The following CCSER2 variants were observed in gnomAD, a reference collection of about 807,000 sequenced individuals.
CCSER2 encodes the protein serine-rich coiled-coil domain-containing protein 2.
In CCSER2, 46 loss-of-function variants were observed where a neutral mutation model predicts 92.3. That is an observed-to-expected ratio of 0.50 (90% CI 0.39 to 0.64). CCSER2 has a LOEUF of 0.64. Among genes scored for constraint, CCSER2 ranks in the 30% least tolerant of loss-of-function variants. CCSER2 has a pLI of 0.00. For missense variants in CCSER2, 1,244 were observed against 1,238.9 expected, an observed-to-expected ratio of 1.00 and a Z score of -0.06; for synonymous variants, 433 against 431.4, an observed-to-expected ratio of 1.00 and a Z score of -0.04.
intron 1 of CCSER2, among the ~76,000 whole-genome samples, chr10:84,347,316 C>T (rs533952386): frequency 6.6e-6 from 1 of 152,280 alleles, no homozygotes; most frequent in East Asian, 1.9e-4. Context: ...GGGGTGGTGG[C>T]CAGGCACAGG....
chr10:84,458,402 TC>T (rs1845902563), intron 6 of CCSER2, among the ~76,000 whole-genome samples: 1 of 152,238 alleles, frequency 6.6e-6, no homozygotes, highest in Non-Finnish European at 1.5e-5. Flanking sequence ...TGTATGTTTA[TC>T]TTTTTGCTAT....
rs908571044 is a variant in CCSER2, at chr10:84,455,819, C to T, written c.2065-8114C>T. On this transcript the variant is annotated intron_variant, in intron 6 of 9. Coordinates refer to ENST00000372088, the MANE Select transcript of CCSER2 (RefSeq NM_001284240.2). ...CACAGACTTATCTGACTGATCCCAT[C>T]CATAATTACTGGTTTTCACTGTATA... 7 of 925,682 alleles carry T rather than the reference C, an allele frequency of 7.6e-6. No homozygotes were observed. The Admixed American group carries it at 1.2e-4, about 16-fold the overall frequency. The allele number at this position is 925,682 out of a possible 1,614,324, so 57.3% of individuals were successfully genotyped here. A position where few individuals can be genotyped will look rare whatever the true frequency, so the allele number is the denominator to read the frequency against.
intron 9 of CCSER2, among the ~76,000 whole-genome samples, chr10:84,512,848 T>C (rs1232013074): frequency 6.6e-6 from 1 of 152,228 alleles, no homozygotes; most frequent in African/African-American, 2.4e-5. Flanking sequence ...ATTTGGAAAC[T>C]TTTCAACAAG....
intron 1 of CCSER2, among the ~76,000 whole-genome samples, chr10:84,356,365 T>A (rs1418631399): frequency 6.6e-6 from 1 of 152,200 alleles, no homozygotes; most frequent in Non-Finnish European, 1.5e-5. Flanking sequence ...TTTTTACTTT[T>A]AAAAAATGTT....
intron 1 of CCSER2, among the ~76,000 whole-genome samples, chr10:84,339,496 A>T: frequency 6.7e-6 from 1 of 149,096 alleles, no homozygotes. Context: ...ATTTTTTGAG[A>T]CGGAGTTTTA....
intron 8 of CCSER2, among the ~76,000 whole-genome samples, chr10:84,475,581 T>C (rs1398536303): frequency 6.6e-6 from 1 of 152,218 alleles, no homozygotes; most frequent in Non-Finnish European, 1.5e-5. Context: ...AAACCCATTA[T>C]AGGTTGAAAA....
At chr10:84,337,186 A>G (rs1190161824) in intron 1 of CCSER2, among the ~76,000 whole-genome samples, 2 of 152,248 alleles carry the variant, frequency 1.3e-5, no homozygotes, top group Admixed American at 6.5e-5. Context: ...TAATGCCTCG[A>G]GAATGGATTA....
chr10:84,381,436 T>G (rs1304585447), intron 3 of CCSER2, among the ~76,000 whole-genome samples: 1 of 152,168 alleles, frequency 6.6e-6, no homozygotes, highest in Non-Finnish European at 1.5e-5. Context: ...GGTAAACAGT[T>G]CCTTAGAGTG....
intron 9 of CCSER2, among the ~76,000 whole-genome samples, chr10:84,487,425 A>G (rs1564715254): frequency 1.3e-5 from 2 of 152,148 alleles, no homozygotes; most frequent in Admixed American, 6.5e-5. Flanking sequence ...TTCGTTGGGC[A>G]GTGGTTTGTA....
At chr10:84,400,006 TTG>T (rs1842038025) in intron 3 of CCSER2, among the ~76,000 whole-genome samples, 1 of 152,162 alleles carries the variant, frequency 6.6e-6, no homozygotes, top group South Asian at 2.1e-4. Flanking sequence ...TTGAACTTTT[TTG>T]TGTGTTTATT....
intron 9 of CCSER2, among the ~76,000 whole-genome samples, chr10:84,494,238 G>T (rs79219588): frequency 6.6e-6 from 1 of 152,164 alleles, no homozygotes; most frequent in Non-Finnish European, 1.5e-5. Flanking sequence ...CAGACATTCC[G>T]ATGGCATTTG....
At chr10:84,494,803 C>G (rs747920618) in intron 9 of CCSER2, among the ~76,000 whole-genome samples, 7 of 152,166 alleles carry the variant, frequency 4.6e-5, no homozygotes, top group Non-Finnish European at 7.3e-5. Flanking sequence ...ATTATCTGTT[C>G]ATGGTTCGTT....
At chr10:84,413,390 A>G (rs1842749781) in intron 3 of CCSER2, among the ~76,000 whole-genome samples, 2 of 152,080 alleles carry the variant, frequency 1.3e-5, no homozygotes, top group South Asian at 4.1e-4. Context: ...TTTCTGCCTT[A>G]CTTTCATGAT....
intron 9 of CCSER2, among the ~76,000 whole-genome samples, chr10:84,498,300 AG>A (rs1476816564): frequency 6.6e-6 from 1 of 152,242 alleles, no homozygotes; most frequent in Non-Finnish European, 1.5e-5. Context: ...GTATCTATGG[AG>A]AGCATCTGGG....
intron 1 of CCSER2, among the ~76,000 whole-genome samples, chr10:84,335,894 G>A (rs1843810839): frequency 6.6e-6 from 1 of 152,160 alleles, no homozygotes; most frequent in Non-Finnish European, 1.5e-5. Context: ...ATTTAAGTCT[G>A]TAGAATGGAC....
chr10:84,477,752 T>A (rs1564705847), intron 9 of CCSER2, 88 bp downstream of exon 9: 12 of 732,838 alleles, frequency 1.6e-5, no homozygotes, highest in Middle Eastern at 2.3e-4. Flanking sequence ...CTCTAATGAT[T>A]TTGAATCTGT....
intron 4 of CCSER2, among the ~76,000 whole-genome samples, chr10:84,418,871 G>A (rs1301314505): frequency 6.6e-6 from 1 of 152,144 alleles, no homozygotes; most frequent in Non-Finnish European, 1.5e-5. Context: ...CAGGCTATGG[G>A]ACTAGCTTGA....
intron 8 of CCSER2, among the ~76,000 whole-genome samples, chr10:84,474,846 T>C (rs1297769040): frequency 2.0e-5 from 3 of 152,128 alleles, no homozygotes; most frequent in African/African-American, 7.2e-5. Context: ...TGTTTTAAGT[T>C]CCGAGTAAAA....
intron 1 of CCSER2, among the ~76,000 whole-genome samples, chr10:84,358,213 C>G (rs1468050039): frequency 6.6e-6 from 1 of 152,128 alleles, no homozygotes; most frequent in Non-Finnish European, 1.5e-5. Flanking sequence ...TTAAGTTTAA[C>G]CTGGTTATCT....
Sources: allele counts gnomAD v4.1 joint callset (sites outside exome capture counted in the v4.1 genomes callset), GRCh38; gene constraint gnomAD v4.1.1; transcripts MANE v1.5; gene names NCBI Gene and HGNC (gene_info 2026-07-23, HGNC 2026-07-21).